Variants in RAB28 observed in about 807,000 individuals in gnomAD.
RAB28 encodes RAB28, member RAS oncogene family.
In RAB28, 24 loss-of-function variants were observed where a neutral mutation model predicts 31.7. That is an observed-to-expected ratio of 0.76 (90% CI 0.55 to 1.06). The LOEUF is 1.06. RAB28 is among the 50% of genes least tolerant of loss of function. The pLI, the probability that RAB28 is intolerant of heterozygous loss-of-function variation, is 0.00. For synonymous variants in RAB28, 100 were observed against 90.4 expected, an observed-to-expected ratio of 1.11 and a Z score of -0.60; for missense variants, 254 against 258.5, an observed-to-expected ratio of 0.98 and a Z score of 0.12.
At chr4:13,476,673 T>G (rs903334922) in intron 2 of RAB28, among the ~76,000 whole-genome samples, 1 of 151,634 alleles carries the variant, frequency 6.6e-6, no homozygotes, top group South Asian at 2.1e-4. Context: ...TGAATTCTCC[T>G]AGTATATTTT....
chr4:13,399,944 C>T (rs543068586), intron 4 of RAB28, among the ~76,000 whole-genome samples: 3 of 151,994 alleles, frequency 2.0e-5, no homozygotes, highest in African/African-American at 7.3e-5. Context: ...TTTAAGAAAC[C>T]CTTCCACATT....
chr4:13,472,292 C>T (rs151211369), intron 3 of RAB28, among the ~76,000 whole-genome samples: 1 of 151,932 alleles, frequency 6.6e-6, no homozygotes, highest in African/African-American at 2.4e-5. Flanking sequence ...AGATTACAGG[C>T]ATGAGCCACT....
chr4:13,384,611 G>A (rs755940678), intron 4 of RAB28, among the ~76,000 whole-genome samples: 11 of 152,114 alleles, frequency 7.2e-5, no homozygotes, highest in Non-Finnish European at 1.2e-4. Context: ...GCTGAGGCTT[G>A]GCCCCCTAAA....
intron 4 of RAB28, among the ~76,000 whole-genome samples, chr4:13,416,423 G>A (rs1476966845): frequency 2.0e-5 from 3 of 152,172 alleles, no homozygotes; most frequent in South Asian, 2.1e-4. Context: ...AACACTCACC[G>A]CGAGGGTCCG....
At chr4:13,465,288 G>C (rs527783870) in intron 3 of RAB28, among the ~76,000 whole-genome samples, 4 of 151,220 alleles carry the variant, frequency 2.6e-5, no homozygotes, top group African/African-American at 9.7e-5. Context: ...ACATATTTAA[G>C]AATCTCAGAG....
At chr4:13,393,662 A>G (rs1729742933) in intron 4 of RAB28, among the ~76,000 whole-genome samples, 1 of 151,970 alleles carries the variant, frequency 6.6e-6, no homozygotes, top group Non-Finnish European at 1.5e-5. Flanking sequence ...TTTTCTGATT[A>G]TGACATTTTC....
In RAB28 at chr4:13,391,628, C is replaced by T. The variant is rs547428601; in HGVS notation, c.392-10034G>A. Among the ~76,000 whole-genome samples, 11 of 152,210 alleles carry T rather than the reference C, an allele frequency of 7.2e-5. No individual in the cohort carries two copies. The East Asian group carries it at 1.2e-3, about 16-fold the overall frequency. ...CACGTATGTTTATTGTGGCACTATT[C>T]GCAATAGCAAAGACTTGGAACCAAC... On this transcript the variant is annotated intron_variant, in intron 4 of 6. Coordinates refer to ENST00000330852, the MANE Select transcript of RAB28 (RefSeq NM_001017979.3).
At chr4:13,477,279 G>A (rs1302346064) in intron 2 of RAB28, among the ~76,000 whole-genome samples, 1 of 151,510 alleles carries the variant, frequency 6.6e-6, no homozygotes, top group Non-Finnish European at 1.5e-5. Flanking sequence ...GCAAAGTAAT[G>A]ATCTTGAAAA....
At position 13,439,198 on chromosome 4, in the gene RAB28, TTC is replaced by T. The variant is rs202081805; in HGVS notation, c.391+21499_391+21500del. Among the ~76,000 whole-genome samples the T allele has an allele frequency of 2.4e-3, 370 of 152,368 alleles. 3 individuals carry two copies. Among genetic ancestry groups the T allele is most frequent in the African/African-American group, 8.0e-3 (333 of 41,592 alleles). On this transcript the variant is annotated intron_variant, in intron 4 of 6. Transcript: ENST00000330852. ...TCATCAGACATGATTTGTAAATATTTTCTCTCTCTACAGACTTGATTTTATCT... is the reference window on the plus strand; with the variant it reads ...TCATCAGACATGATTTGTAAATATTTTCTCTCTACAGACTTGATTTTATCT...
chr4:13,454,172 C>CT (rs1416935888), intron 4 of RAB28, among the ~76,000 whole-genome samples: 24 of 152,048 alleles, frequency 1.6e-4, no homozygotes. Flanking sequence ...TTCTTCAGCT[C>CT]TAAGATTTCT....
At chr4:13,444,691 T>C (rs1235280253) in intron 4 of RAB28, among the ~76,000 whole-genome samples, 1 of 152,250 alleles carries the variant, frequency 6.6e-6, no homozygotes, top group African/African-American at 2.4e-5. Context: ...ATAACAGCCA[T>C]CTAAGAAGTG....
intron 4 of RAB28, among the ~76,000 whole-genome samples, chr4:13,420,882 C>A (rs1361956834): frequency 6.6e-6 from 1 of 152,170 alleles, no homozygotes; most frequent in Non-Finnish European, 1.5e-5. Context: ...TCCTATTCAA[C>A]ATAGTGTTGG....
At chr4:13,472,572 T>C (rs1347834182) in intron 3 of RAB28, among the ~76,000 whole-genome samples, 1 of 151,882 alleles carries the variant, frequency 6.6e-6, no homozygotes. Context: ...CCACTAACTC[T>C]GGTTACACCT....
chr4:13,465,754 AACACACAC>A (rs33979911), intron 3 of RAB28, among the ~76,000 whole-genome samples: 5 of 142,202 alleles, frequency 3.5e-5, no homozygotes, highest in Admixed American at 1.4e-4. Flanking sequence ...GGCAATCATG[AACACACAC>A]ACACACACAC....
intron 4 of RAB28, among the ~76,000 whole-genome samples, chr4:13,420,324 AG>A (rs1338481756): frequency 3.9e-5 from 6 of 152,188 alleles, no homozygotes; most frequent in Non-Finnish European, 7.4e-5. Flanking sequence ...ATTCTACCAG[AG>A]GTACAAAGAG....
intron 4 of RAB28, among the ~76,000 whole-genome samples, chr4:13,422,281 C>A (rs566165986): frequency 1.3e-5 from 2 of 152,254 alleles, no homozygotes; most frequent in South Asian, 2.1e-4. Flanking sequence ...GAAATAGGAA[C>A]GCTTTTGCAC....
chr4:13,412,561 G>A (rs1251105946), intron 4 of RAB28, among the ~76,000 whole-genome samples: 1 of 152,106 alleles, frequency 6.6e-6, no homozygotes, highest in Non-Finnish European at 1.5e-5. Flanking sequence ...GAGAGAAGTA[G>A]GGAAGATTTG....
chr4:13,371,868 C>G (rs1728726449), intron 6 of RAB28: 1 of 1,541,184 alleles, frequency 6.5e-7, no homozygotes. Flanking sequence ...TGAAATGGCC[C>G]TAAGAGGAAA....
At chr4:13,440,079 T>C (rs1361176415) in intron 4 of RAB28, among the ~76,000 whole-genome samples, 1 of 152,056 alleles carries the variant, frequency 6.6e-6, no homozygotes, top group Non-Finnish European at 1.5e-5. Context: ...ACAATCCACT[T>C]GGAAAAAAAG....
Sources: gnomAD v4.1 joint callset for allele counts (sites outside exome capture counted in the v4.1 genomes callset) on GRCh38, gnomAD v4.1.1 for gene constraint, MANE v1.5 for transcripts, NCBI Gene and HGNC (gene_info 2026-07-23, HGNC 2026-07-21) for gene names.